The following KANSL1 variants were observed in gnomAD, a reference collection of about 807,000 sequenced individuals.
KANSL1 encodes the protein MLL1/MLL complex subunit KANSL1.
A neutral mutation model predicts 103.6 loss-of-function variants in KANSL1; 22 were observed. The ratio of observed to expected loss-of-function variants is 0.21; its 90% CI spans 0.15 to 0.30. The LOEUF (loss-of-function observed/expected upper bound fraction) is 0.30. Among genes scored for constraint, KANSL1 ranks in the 10% least tolerant of loss-of-function variants. The pLI, the probability that KANSL1 is intolerant of heterozygous loss-of-function variation, is 1.00. For synonymous variants in KANSL1, 600 were observed against 527.6 expected, an observed-to-expected ratio of 1.14 and a Z score of -1.88; for missense variants, 1,337 against 1,399.8, an observed-to-expected ratio of 0.96 and a Z score of 0.72.
At chr17:46,195,799 G>C (rs764866865), upstream of KANSL1, among the ~76,000 whole-genome samples, 2 of 152,082 alleles carry the variant, frequency 1.3e-5, no homozygotes, top group Non-Finnish European at 2.9e-5. Context: ...TCCTGGACTC[G>C]AGTGCTGGCA....
At chr17:46,083,522 T>C (rs752015205) in intron 3 of KANSL1, among the ~76,000 whole-genome samples, 1 of 152,072 alleles carries the variant, frequency 6.6e-6, no homozygotes, top group Non-Finnish European at 1.5e-5. Context: ...TCTACCTTTT[T>C]ATGGGGGAAG....
intron 3 of KANSL1, among the ~76,000 whole-genome samples, chr17:46,085,964 G>A (rs1254487860): frequency 1.3e-5 from 2 of 152,030 alleles, no homozygotes; most frequent in Admixed American, 1.3e-4. Context: ...TTGAAGATGT[G>A]GACAAAATAC....
intron 4 of KANSL1, among the ~76,000 whole-genome samples, chr17:46,080,774 T>C (rs750338806): frequency 1.3e-5 from 2 of 151,118 alleles, no homozygotes; most frequent in Non-Finnish European, 2.9e-5. Flanking sequence ...ATGGATATAT[T>C]CATAAAGGGT....
chr17:46,158,622 C>A (rs772250595), intron 2 of KANSL1, among the ~76,000 whole-genome samples: 30 of 152,196 alleles, frequency 2.0e-4, no homozygotes, highest in Admixed American at 5.2e-4. Context: ...CTCACTGTAA[C>A]CTCCACCACC....
intron 1 of KANSL1, among the ~76,000 whole-genome samples, chr17:46,211,034 C>T (rs972591560): frequency 7.9e-5 from 12 of 152,092 alleles, no homozygotes; most frequent in African/African-American, 2.9e-4. Flanking sequence ...CCTCTAAGAG[C>T]CCACTGAGAT....
chr17:46,198,422 TAAAA>T (rs58312564), upstream of KANSL1, among the ~76,000 whole-genome samples: 9,278 of 95,260 alleles, frequency 0.097, 16 homozygotes, highest in Middle Eastern at 0.18. Flanking sequence ...CTACTTTAAT[TAAAA>T]AAAAAAAAAA....
intron 2 of KANSL1, among the ~76,000 whole-genome samples, chr17:46,112,021 G>A (rs893166842): frequency 2.0e-5 from 3 of 152,152 alleles, no homozygotes; most frequent in African/African-American, 7.2e-5. Context: ...ATTTCCCAAA[G>A]GAGAATGGCT....
At chr17:46,169,218 C>G (rs1413968024) in intron 2 of KANSL1, among the ~76,000 whole-genome samples, 1 of 152,174 alleles carries the variant, frequency 6.6e-6, no homozygotes, top group East Asian at 1.9e-4. Context: ...TATTAGCAAG[C>G]TGAATTAAGC....
chr17:46,169,144 G>A (rs1484480965), intron 2 of KANSL1, among the ~76,000 whole-genome samples: 8 of 152,296 alleles, frequency 5.3e-5, no homozygotes, highest in Non-Finnish European at 7.4e-5. Context: ...AATATTTAAC[G>A]TTAACCAAGA....
intron 5 of KANSL1, among the ~76,000 whole-genome samples, chr17:46,066,993 G>T (rs186025338): frequency 6.6e-6 from 1 of 152,164 alleles, no homozygotes. Context: ...ATAAACTCAA[G>T]TTCTAGTGAT....
At chr17:46,225,078 G>C (rs1460495104), upstream of KANSL1, among the ~76,000 whole-genome samples, 1 of 151,618 alleles carries the variant, frequency 6.6e-6, no homozygotes, top group African/African-American at 2.4e-5. Context: ...CCGGCAGCCG[G>C]CGTCCCAGGC....
At chr17:46,035,320 G>GT (rs1361427739) in intron 10 of KANSL1, 2 of 152,256 alleles carry the variant, frequency 1.3e-5, no homozygotes, top group Non-Finnish European at 2.9e-5. Context: ...GGTTGGAGGA[G>GT]TAAGAAGTCC....
At chr17:46,212,127 T>C (rs938276171) in intron 1 of KANSL1, among the ~76,000 whole-genome samples, 2 of 152,244 alleles carry the variant, frequency 1.3e-5, no homozygotes, top group African/African-American at 4.8e-5. Context: ...AGAACATATA[T>C]ACATTCCTTA....
chr17:46,125,741 G>C (rs2043524529), intron 2 of KANSL1, among the ~76,000 whole-genome samples: 1 of 152,142 alleles, frequency 6.6e-6, no homozygotes, highest in Non-Finnish European at 1.5e-5. Context: ...GTACCCTTTT[G>C]ATCAATTAGT....
intron 1 of KANSL1, among the ~76,000 whole-genome samples, chr17:46,204,160 A>G (rs1338450553): frequency 1.3e-5 from 2 of 152,078 alleles, no homozygotes; most frequent in African/African-American, 4.8e-5. Context: ...TCTCTAAAAC[A>G]AACATAAACA....
chr17:46,142,118 TAAA>T (rs1221794605), intron 2 of KANSL1, among the ~76,000 whole-genome samples: 2 of 152,178 alleles, frequency 1.3e-5, no homozygotes, highest in Non-Finnish European at 2.9e-5. Flanking sequence ...TTTCCAAAAA[TAAA>T]AACATGTACA....
chr17:46,073,186 T>C (rs886111623), intron 4 of KANSL1, among the ~76,000 whole-genome samples: 1 of 152,242 alleles, frequency 6.6e-6, no homozygotes, highest in African/African-American at 2.4e-5. Context: ...TCTTGGACTG[T>C]GTAAAAAGAA....
chr17:46,133,748 G>A (rs189431083), intron 2 of KANSL1, among the ~76,000 whole-genome samples: 14 of 152,278 alleles, frequency 9.2e-5, no homozygotes, highest in African/African-American at 2.6e-4. Context: ...GTAGGGGCGC[G>A]ACTCATGAAG....
chr17:46,128,510 AG>A (rs1318341617), intron 2 of KANSL1, among the ~76,000 whole-genome samples: 5 of 152,242 alleles, frequency 3.3e-5, no homozygotes, highest in Admixed American at 6.5e-5. Context: ...AGTGTTATAA[AG>A]AAAAAAAACA....
Sources: gnomAD v4.1 joint callset for allele counts (sites outside exome capture counted in the v4.1 genomes callset) on GRCh38, gnomAD v4.1.1 for gene constraint, MANE v1.5 for transcripts, NCBI Gene and HGNC (gene_info 2026-07-23, HGNC 2026-07-21) for gene names.